Variants in CFAP92 observed in about 807,000 individuals in gnomAD.
The protein encoded by CFAP92 is cilia and flagella associated protein 92 (putative), also known as uncharacterized protein CFAP92.
A neutral mutation model predicts 106.3 loss-of-function variants in CFAP92; 86 were observed. The observed-to-expected ratio is 0.81, with a 90% CI of 0.68 to 0.97. The LOEUF is 0.97. Among genes scored for constraint, CFAP92 ranks in the 50% least tolerant of loss-of-function variants. The pLI is 0.00. For missense variants in CFAP92, 1,204 were observed against 1,283.8 expected, an observed-to-expected ratio of 0.94 and a Z score of 0.95; for synonymous variants, 477 against 506.4, an observed-to-expected ratio of 0.94 and a Z score of 0.78.
intron 4 of CFAP92, among the ~76,000 whole-genome samples, chr3:128,980,056 G>GA (rs1265503401): frequency 6.6e-5 from 10 of 150,908 alleles, no homozygotes; most frequent in African/African-American, 1.9e-4. Context: ...AAGAAAAAGA[G>GA]AAAAAAATAC....
chr3:128,943,333 T>C (rs753223222), intron 10 of CFAP92, among the ~76,000 whole-genome samples: 2 of 151,772 alleles, frequency 1.3e-5, no homozygotes, highest in Non-Finnish European at 2.9e-5. Flanking sequence ...GGCAACTCTG[T>C]GCCCACTGGC....
chr3:128,910,088 C>A lies in CFAP92; in HGVS notation c.*211G>T. On this transcript the variant is annotated 3_prime_UTR_variant, in exon 16 of 16. Transcript: ENST00000645291. The stretch of plus-strand genomic sequence containing the variant: ...ATCCTCATCAACCTGTATGGCATGA[C>A]GGCCGTGCTGTCGCGGGCCAGCCGC... 6.2e-7 allele frequency: 1 copy of A among 1,613,902 alleles called. No homozygotes were observed. The highest frequency in any genetic ancestry group is 8.5e-7 in the Non-Finnish European group (1 of 1,179,986).
intron 1 of CFAP92, among the ~76,000 whole-genome samples, chr3:129,000,285 G>C (rs1944662147): frequency 6.6e-6 from 1 of 152,222 alleles, no homozygotes; most frequent in Admixed American, 6.5e-5. Flanking sequence ...TTGGGGAGAA[G>C]CCTCTAACTC....
chr3:128,990,368 G>T (rs1258678395), intron 2 of CFAP92, among the ~76,000 whole-genome samples: 1 of 152,134 alleles, frequency 6.6e-6, no homozygotes, highest in Non-Finnish European at 1.5e-5. Flanking sequence ...ATGGTGGCAT[G>T]TGCCTGTAGT....
At chr3:128,959,375 C>A (rs1192962083) in intron 9 of CFAP92, among the ~76,000 whole-genome samples, 1 of 152,094 alleles carries the variant, frequency 6.6e-6, no homozygotes, top group African/African-American at 2.4e-5. Context: ...GCCTAGAATT[C>A]TATATGCAGC....
In CFAP92 at chr3:128,912,905, T is replaced by C. The variant is rs1255286839; in HGVS notation, c.3280+2214A>G. The C allele has an allele frequency of 5.3e-6, 3 of 566,948 alleles. No individual in the cohort carries two copies. The Admixed American group carries it at 5.8e-5, about 11-fold the overall frequency. 35.1% of individuals were successfully genotyped at this position (566,948 alleles called of 1,614,324 possible). A position where few individuals can be genotyped will look rare whatever the true frequency, so the allele number is the denominator to read the frequency against. ...ATTGAGGAGACACCATAGTGGAAACTGGGGCTTATGCTGCTGCCTCCAGGG... is the reference window on the plus strand; with the variant it reads ...ATTGAGGAGACACCATAGTGGAAACCGGGGCTTATGCTGCTGCCTCCAGGG... On this transcript the variant is annotated intron_variant, in intron 15 of 15. Transcript: ENST00000645291.
At chr3:129,013,523 C>A in the CFAP92 span, among the ~76,000 whole-genome samples, 1 of 152,204 alleles carries the variant, frequency 6.6e-6, no homozygotes. Flanking sequence ...ACATTCTTCC[C>A]ATAAGGTAGC....
intron 12 of CFAP92, among the ~76,000 whole-genome samples, chr3:128,932,189 A>G (rs1267329843): frequency 2.0e-5 from 3 of 152,082 alleles, no homozygotes; most frequent in African/African-American, 7.2e-5. Flanking sequence ...CTGTGTTTTC[A>G]TGTCTTTTTG....
upstream of CFAP92, chr3:128,994,159 G>T: frequency 1.0e-6 from 1 of 985,640 alleles, no homozygotes; most frequent in African/African-American, 1.7e-5. Flanking sequence ...ACGCGAGGGC[G>T]TGCGGCCTGG....
At chr3:129,001,220 C>T (rs1944720296) in intron 1 of CFAP92, among the ~76,000 whole-genome samples, 1 of 152,204 alleles carries the variant, frequency 6.6e-6, no homozygotes, top group South Asian at 2.1e-4. Context: ...GCCCAGGTCT[C>T]GGAGCGAACT....
chr3:128,946,063 G>T (rs769528954), intron 9 of CFAP92, 88 bp from the exon 10 acceptor site: 1 of 953,618 alleles, frequency 1.0e-6, no homozygotes, highest in Non-Finnish European at 1.5e-6. Flanking sequence ...CCAGTGCCAG[G>T]CTCATTGCCT....
the CFAP92 span, among the ~76,000 whole-genome samples, chr3:129,022,155 C>T: frequency 1.3e-5 from 2 of 152,188 alleles, no homozygotes; most frequent in African/African-American, 4.8e-5. Context: ...GTATTATTTT[C>T]AAATATTACC....
At chr3:128,986,478 C>T (rs1328913009) in intron 4 of CFAP92, among the ~76,000 whole-genome samples, 1 of 152,092 alleles carries the variant, frequency 6.6e-6, no homozygotes, top group East Asian at 1.9e-4. Context: ...GCCTCAGCCT[C>T]CCAAAGTGCT....
chr3:128,927,307 C>A (rs1211902540), intron 12 of CFAP92, among the ~76,000 whole-genome samples: 1 of 114,876 alleles, frequency 8.7e-6, no homozygotes, highest in Non-Finnish European at 1.6e-5. Context: ...GCTTGTGGCA[C>A]CCCAGGCAGA....
intron 12 of CFAP92, among the ~76,000 whole-genome samples, chr3:128,922,660 G>C (rs917473885): frequency 2.0e-5 from 3 of 152,210 alleles, no homozygotes; most frequent in Non-Finnish European, 4.4e-5. Flanking sequence ...ACTTCCATGG[G>C]TATCACTGGC....
At chr3:128,910,374 AGT>A (rs938893034) in intron 15 of CFAP92, 41 bp from the exon 16 acceptor site, 10 of 1,456,322 alleles carry the variant, frequency 6.9e-6, no homozygotes, top group Non-Finnish European at 9.0e-6. Flanking sequence ...TCCTGATCCC[AGT>A]GCCCCTACCC....
chr3:128,924,916 A>G lies in CFAP92; in HGVS notation c.2751+7784T>C, dbSNP rs532916096. Reference sequence around the variant, plus strand: ...CACCTGCTTCTTTGTTTGATCACCAATAAATAGTGCAGGCTTCCAGAACTT... The same window carrying G: ...CACCTGCTTCTTTGTTTGATCACCAGTAAATAGTGCAGGCTTCCAGAACTT... On this transcript the variant is annotated intron_variant, in intron 12 of 15. Coordinates refer to ENST00000645291, the MANE Select transcript of CFAP92 (RefSeq NM_001394090.1). Among the ~76,000 whole-genome samples the G allele has an allele frequency of 3.3e-5, 5 of 151,946 alleles. No homozygotes were observed. In the South Asian group the frequency reaches 1.0e-3, roughly 31 times the overall value.
At chr3:128,989,220 A>G (rs1314365563) in intron 2 of CFAP92, among the ~76,000 whole-genome samples, 1 of 151,490 alleles carries the variant, frequency 6.6e-6, no homozygotes, top group Non-Finnish European at 1.5e-5. Flanking sequence ...TCACATGGCC[A>G]GGCCAGATGT....
upstream of CFAP92, among the ~76,000 whole-genome samples, chr3:129,006,625 G>A (rs1945086933): frequency 6.6e-6 from 1 of 152,154 alleles, no homozygotes; most frequent in South Asian, 2.1e-4. Flanking sequence ...CAAAAGTGGG[G>A]TTCTGTTAGT....
Sources: allele counts gnomAD v4.1 joint callset (sites outside exome capture counted in the v4.1 genomes callset), GRCh38; gene constraint gnomAD v4.1.1; transcripts MANE v1.5; gene names NCBI Gene and HGNC (gene_info 2026-07-23, HGNC 2026-07-21).